SYN3: variants seen among roughly 807,000 people sequenced by gnomAD.
The protein encoded by SYN3 is synapsin-3.
Under a neutral mutation model 65.8 loss-of-function variants are expected in SYN3, and 35 were observed. The ratio of observed to expected loss-of-function variants is 0.53; its 90% confidence interval spans 0.41 to 0.70. The LOEUF (loss-of-function observed/expected upper bound fraction) is 0.70. Among genes scored for constraint, SYN3 ranks in the 30% least tolerant of loss-of-function variants. SYN3 has a pLI of 0.00. For missense variants in SYN3, 680 were observed against 749.0 expected (o/e 0.91, Z 1.08); for synonymous variants, 270 against 292.9 (o/e 0.92, Z 0.80).
intron 6 of SYN3, among the ~76,000 whole-genome samples, chr22:32,715,704 G>A (rs545262707): frequency 2.6e-5 from 4 of 151,192 alleles, no homozygotes; most frequent in Non-Finnish European, 5.9e-5. Context: ...GCTTGAACTC[G>A]GGAGGCAGAG....
At chr22:32,709,691 TTTTTC>T (rs1182721722) in intron 6 of SYN3, among the ~76,000 whole-genome samples, 3 of 151,762 alleles carry the variant, frequency 2.0e-5, no homozygotes, top group African/African-American at 7.3e-5. Context: ...AGCTTTTTCC[TTTTTC>T]TTTTTTTTTC....
At chr22:32,887,527 A>G (rs989056339) in intron 4 of SYN3, among the ~76,000 whole-genome samples, 2 of 152,204 alleles carry the variant, frequency 1.3e-5, no homozygotes, top group Non-Finnish European at 2.9e-5. Context: ...GAGCTTCCAG[A>G]TAAGAACTGA....
chr22:32,544,987 T>A (rs1412699962), intron 7 of SYN3, among the ~76,000 whole-genome samples: 2 of 152,138 alleles, frequency 1.3e-5, no homozygotes, highest in African/African-American at 4.8e-5. Context: ...CACTTTACAC[T>A]CTCTCCTCTC....
At chr22:32,745,601 C>T (rs780538673) in intron 6 of SYN3, among the ~76,000 whole-genome samples, 10 of 152,276 alleles carry the variant, frequency 6.6e-5, no homozygotes, top group East Asian at 1.9e-4. Context: ...AGCCACTGCA[C>T]GGCCCTGGGT....
At chr22:32,599,324 C>CA in intron 6 of SYN3, among the ~76,000 whole-genome samples, 1 of 144,068 alleles carries the variant, frequency 6.9e-6, no homozygotes, top group African/African-American at 2.5e-5. Context: ...CCCTGATGTA[C>CA]TTTTTTTTTT....
intron 7 of SYN3, among the ~76,000 whole-genome samples, chr22:32,544,730 G>A (rs546811286): frequency 3.3e-5 from 5 of 152,330 alleles, no homozygotes; most frequent in Non-Finnish European, 7.4e-5. Context: ...TCAGGGTCAG[G>A]TGGAGAGAAT....
intron 6 of SYN3, among the ~76,000 whole-genome samples, chr22:32,651,564 T>TTGTATGAATGAATGAA (rs2060071104): frequency 6.6e-6 from 1 of 150,960 alleles, no homozygotes; most frequent in South Asian, 2.1e-4. Context: ...GGATGCATGC[T>TTGTATGAATGAATGAA]TGAATGAATG....
intron 6 of SYN3, among the ~76,000 whole-genome samples, chr22:32,806,567 C>CA (rs1301339612): frequency 6.6e-6 from 1 of 152,174 alleles, no homozygotes; most frequent in African/African-American, 2.4e-5. Context: ...ATCTGAGCTC[C>CA]ACTCCTTCCT....
chr22:32,599,065 T>A (rs2059243844), intron 6 of SYN3, among the ~76,000 whole-genome samples: 1 of 152,060 alleles, frequency 6.6e-6, no homozygotes, highest in Non-Finnish European at 1.5e-5. Context: ...GCTGCTCTTT[T>A]AAAAAAAATC....
At chr22:32,762,617 T>C (rs1384161139) in intron 6 of SYN3, among the ~76,000 whole-genome samples, 1 of 128,444 alleles carries the variant, frequency 7.8e-6, no homozygotes, top group Non-Finnish European at 1.7e-5. Flanking sequence ...GGCATAAAGA[T>C]GGCCAGGGTC....
chr22:32,691,632 A>G (rs2060662751), intron 6 of SYN3, among the ~76,000 whole-genome samples: 2 of 152,066 alleles, frequency 1.3e-5, no homozygotes, highest in African/African-American at 4.8e-5. Context: ...GGTACTCCAG[A>G]TCAGAGGAGA....
chr22:32,707,569 A>G (rs1316281153), intron 6 of SYN3, among the ~76,000 whole-genome samples: 1 of 152,174 alleles, frequency 6.6e-6, no homozygotes, highest in Non-Finnish European at 1.5e-5. Flanking sequence ...AGTAAACTTT[A>G]TCTTCCTGGG....
chr22:32,626,935 T>C (rs1366631472), intron 6 of SYN3, among the ~76,000 whole-genome samples: 1 of 152,196 alleles, frequency 6.6e-6, no homozygotes, highest in Non-Finnish European at 1.5e-5. Flanking sequence ...GACACCTGGT[T>C]GGTTGGCAAT....
chr22:32,980,566 G>A, intron 3 of SYN3, 79 bp downstream of exon 3: 3 of 1,314,024 alleles, frequency 2.3e-6, no homozygotes, highest in South Asian at 1.2e-5. Flanking sequence ...CATAAGATGG[G>A]GACCAAGATT....
intron 6 of SYN3, among the ~76,000 whole-genome samples, chr22:32,650,643 G>A (rs1338543526): frequency 1.3e-5 from 2 of 152,070 alleles, no homozygotes; most frequent in Non-Finnish European, 2.9e-5. Flanking sequence ...TTACACAAAT[G>A]AAGGAGAAAA....
chr22:32,523,320 G>C (rs943612386), intron 12 of SYN3, among the ~76,000 whole-genome samples: 1 of 152,130 alleles, frequency 6.6e-6, no homozygotes, highest in African/African-American at 2.4e-5. Flanking sequence ...AGACCATCAT[G>C]GCCAACATGG....
intron 2 of SYN3, among the ~76,000 whole-genome samples, chr22:33,002,181 C>A (rs1003151286): frequency 6.6e-6 from 1 of 152,180 alleles, no homozygotes; most frequent in Admixed American, 6.5e-5. Flanking sequence ...TACCCTTAAG[C>A]AAGCAGCAAC....
At chr22:33,045,926 C>A (rs942506504) in intron 1 of SYN3, among the ~76,000 whole-genome samples, 4 of 150,554 alleles carry the variant, frequency 2.7e-5, no homozygotes, top group Non-Finnish European at 5.9e-5. Context: ...AAAAACATGT[C>A]AAATATTTGC....
intron 6 of SYN3, chr22:32,859,112 CTCGG>C (rs766958455): frequency 9.0e-6 from 14 of 1,559,324 alleles, no homozygotes; most frequent in Admixed American, 3.3e-5. Flanking sequence ...TGAATCCAGG[CTCGG>C]TAGCCTCAGG....
Sources: allele counts gnomAD v4.1 joint callset (sites outside exome capture counted in the v4.1 genomes callset), GRCh38; gene constraint gnomAD v4.1.1; transcripts MANE v1.5; gene names NCBI Gene and HGNC (gene_info 2026-07-23, HGNC 2026-07-21).